Variants in ZBTB20 observed in about 807,000 individuals in gnomAD.
The protein encoded by ZBTB20 is zinc finger and BTB domain-containing protein 20.
A neutral mutation model predicts 56.9 loss-of-function variants in ZBTB20; 9 were observed. The observed-to-expected ratio is 0.16, with a 90% CI of 0.10 to 0.28. The LOEUF (loss-of-function observed/expected upper bound fraction) is 0.28, where lower values mean the gene tolerates loss of function less well. ZBTB20 is among the 10% of genes least tolerant of loss of function. ZBTB20 has a pLI of 1.00. For missense variants in ZBTB20, 655 were observed against 1,003.0 expected, an observed-to-expected ratio of 0.65 and a Z score of 4.69; for synonymous variants, 417 against 420.7, an observed-to-expected ratio of 0.99 and a Z score of 0.11.
rs915664602 is a variant in ZBTB20 at position 114,786,699 on chromosome 3, G to GA, written c.-343+14401dup. The stretch of plus-strand genomic sequence containing the variant: ...ATCACATTATCTTCTACAGTTTGAA[G>GA]AAAAAAAAATGTGGCTAAAAGAAAA... On this transcript the variant is annotated intron_variant, in intron 5 of 11. Coordinates refer to ENST00000675478, the MANE Select transcript of ZBTB20 (RefSeq NM_001348800.3). 2.2e-4 allele frequency among the ~76,000 whole-genome samples: 32 copies of GA among 147,492 alleles called. No homozygotes were observed. The South Asian group carries it at 5.5e-3, about 25-fold the overall frequency.
At chr3:114,992,286 T>C (rs1332115153) in intron 2 of ZBTB20, among the ~76,000 whole-genome samples, 12 of 151,990 alleles carry the variant, frequency 7.9e-5, no homozygotes, top group Admixed American at 7.9e-4. Context: ...AATATATTAA[T>C]CATATACATA....
At chr3:114,859,431 C>T (rs148747552) in intron 4 of ZBTB20, among the ~76,000 whole-genome samples, 174 of 151,012 alleles carry the variant, frequency 1.2e-3, no homozygotes, top group African/African-American at 3.0e-3. Flanking sequence ...CTTAGTTTCT[C>T]TCTTCTTTCC....
At chr3:114,940,535 T>C (rs1221503948) in intron 3 of ZBTB20, among the ~76,000 whole-genome samples, 1 of 146,150 alleles carries the variant, frequency 6.8e-6, no homozygotes, top group Non-Finnish European at 1.5e-5. Flanking sequence ...CAGGTCTATT[T>C]GAAGGACATT....
intron 7 of ZBTB20, among the ~76,000 whole-genome samples, chr3:114,408,944 T>C (rs1465992715): frequency 6.6e-6 from 1 of 152,068 alleles, no homozygotes; most frequent in African/African-American, 2.4e-5. Flanking sequence ...CGTCCGCTCC[T>C]GGTGTGCTCT....
intron 7 of ZBTB20, among the ~76,000 whole-genome samples, chr3:114,426,205 G>A (rs1476041890): frequency 1.3e-5 from 2 of 151,992 alleles, no homozygotes; most frequent in Non-Finnish European, 2.9e-5. Context: ...TGGGCGTGGT[G>A]GCGGGCGCCT....
At chr3:115,129,596 T>G (rs1375795915) in intron 1 of ZBTB20, among the ~76,000 whole-genome samples, 3 of 152,234 alleles carry the variant, frequency 2.0e-5, no homozygotes, top group African/African-American at 7.2e-5. Flanking sequence ...AGTACAGCTA[T>G]AAATTACAAG....
At chr3:115,023,693 A>C (rs1294206474) in intron 2 of ZBTB20, among the ~76,000 whole-genome samples, 1 of 150,590 alleles carries the variant, frequency 6.6e-6, no homozygotes, top group Non-Finnish European at 1.5e-5. Flanking sequence ...ATTCCTTGTA[A>C]TCTGTCCAAA....
chr3:114,350,575 G>A lies in ZBTB20; in HGVS notation c.1503C>T (p.Gly501=). The change falls in exon 11 of 12, where the codon GGC becomes GGT. Residue 501 remains glycine (G), a synonymous_variant. Transcript: ENST00000675478. ...LTLTSNTQVI[G]TAGNTYLPAL... ...CTGGCAGGTAGGTGTTGCCAGCTGT[G>A]CCAATGACCTGCGTGTTGCTGGTCA... 1.2e-6 allele frequency: 2 copies of A among 1,614,180 alleles called. No homozygotes were observed. The highest frequency in any genetic ancestry group is 1.7e-6 in the Non-Finnish European group (2 of 1,180,024).
chr3:114,559,203 A>G (rs1278466372), intron 6 of ZBTB20, among the ~76,000 whole-genome samples: 3 of 152,212 alleles, frequency 2.0e-5, no homozygotes, highest in Non-Finnish European at 4.4e-5. Context: ...ATGACCAAAC[A>G]GTAAATAAAT....
At chr3:114,950,645 C>T (rs1320375913) in intron 3 of ZBTB20, among the ~76,000 whole-genome samples, 1 of 152,072 alleles carries the variant, frequency 6.6e-6, no homozygotes, top group Non-Finnish European at 1.5e-5. Flanking sequence ...CATAAGCACA[C>T]CAGCAATATC....
intron 5 of ZBTB20, among the ~76,000 whole-genome samples, chr3:114,710,961 C>T (rs2064034972): frequency 6.6e-6 from 1 of 152,122 alleles, no homozygotes; most frequent in East Asian, 1.9e-4. Context: ...TCAAGTTGTT[C>T]CTACTCCAAA....
chr3:114,532,043 A>G (rs1224152803), intron 6 of ZBTB20, among the ~76,000 whole-genome samples: 1 of 152,160 alleles, frequency 6.6e-6, no homozygotes, highest in Non-Finnish European at 1.5e-5. Context: ...CCTGGGTTTC[A>G]AGACAAAACT....
At chr3:114,640,195 T>C (rs2059484657) in intron 6 of ZBTB20, among the ~76,000 whole-genome samples, 1 of 152,072 alleles carries the variant, frequency 6.6e-6, no homozygotes, top group Admixed American at 6.6e-5. Context: ...GCATAGATCA[T>C]GTCTTTTGGT....
At chr3:114,345,064 TA>T (rs1304472401) in intron 11 of ZBTB20, among the ~76,000 whole-genome samples, 1 of 152,226 alleles carries the variant, frequency 6.6e-6, no homozygotes, top group East Asian at 1.9e-4. Flanking sequence ...CAAAGAAATT[TA>T]AAACTCTTGC....
At chr3:114,789,050 G>C (rs2070758199) in intron 5 of ZBTB20, among the ~76,000 whole-genome samples, 1 of 152,162 alleles carries the variant, frequency 6.6e-6, no homozygotes, top group East Asian at 1.9e-4. Flanking sequence ...TACACTTCAA[G>C]ATGAGATTTG....
chr3:114,629,640 T>C (rs1353474397), intron 6 of ZBTB20, among the ~76,000 whole-genome samples: 1 of 152,184 alleles, frequency 6.6e-6, no homozygotes, highest in African/African-American at 2.4e-5. Flanking sequence ...ATTGTACCAA[T>C]ACTAATCTGT....
At chr3:114,857,969 T>C (rs893854772) in intron 4 of ZBTB20, among the ~76,000 whole-genome samples, 3 of 152,186 alleles carry the variant, frequency 2.0e-5, no homozygotes, top group Non-Finnish European at 4.4e-5. Context: ...TAGAAGACGA[T>C]TAATGGAAAA....
intron 6 of ZBTB20, among the ~76,000 whole-genome samples, chr3:114,594,720 T>C (rs993106469): frequency 4.6e-5 from 7 of 152,298 alleles, no homozygotes; most frequent in African/African-American, 1.4e-4. Context: ...GTAAGTCTTA[T>C]TGACAATAAT....
At chr3:114,638,785 C>A (rs1439651377) in intron 6 of ZBTB20, among the ~76,000 whole-genome samples, 2 of 151,696 alleles carry the variant, frequency 1.3e-5, no homozygotes, top group Non-Finnish European at 2.9e-5. Context: ...TTATTATATA[C>A]AATAAAAGCA....
Sources: allele counts gnomAD v4.1 joint callset (sites outside exome capture counted in the v4.1 genomes callset), GRCh38; gene constraint gnomAD v4.1.1; transcripts MANE v1.5; gene names NCBI Gene and HGNC (gene_info 2026-07-23, HGNC 2026-07-21).